Variants in SPATA17 observed in about 807,000 individuals in gnomAD.
SPATA17 encodes spermatogenesis associated 17.
Under a neutral mutation model 62.2 loss-of-function variants are expected in SPATA17, and 53 were observed. The ratio of observed to expected loss-of-function variants is 0.85; its 90% CI spans 0.68 to 1.07. SPATA17 has a LOEUF of 1.07. Among genes scored for constraint, SPATA17 ranks in the 50% least tolerant of loss-of-function variants. The pLI is 0.00. For missense variants in SPATA17, 466 were observed against 425.5 expected, an observed-to-expected ratio of 1.10 and a Z score of -0.84; for synonymous variants, 146 against 146.8, an observed-to-expected ratio of 0.99 and a Z score of 0.04.
At chr1:217,701,438 T>G (rs1671595665) in intron 5 of SPATA17, among the ~76,000 whole-genome samples, 1 of 151,960 alleles carries the variant, frequency 6.6e-6, no homozygotes, top group Non-Finnish European at 1.5e-5. Flanking sequence ...CAGGCTGGAG[T>G]GCAATGTCGT....
chr1:217,789,901 GT>G (rs1304010475), intron 8 of SPATA17, among the ~76,000 whole-genome samples: 2 of 152,100 alleles, frequency 1.3e-5, no homozygotes, highest in Admixed American at 6.5e-5. Context: ...GCCAAGTGTG[GT>G]GGTGGGCACC....
At chr1:217,772,533 TA>T (rs547621093) in intron 6 of SPATA17, among the ~76,000 whole-genome samples, 1 of 151,882 alleles carries the variant, frequency 6.6e-6, no homozygotes, top group African/African-American at 2.4e-5. Flanking sequence ...ACTGTTCTGT[TA>T]AAAAAAAGAA....
intron 5 of SPATA17, among the ~76,000 whole-genome samples, chr1:217,732,051 A>G (rs1454897425): frequency 6.7e-6 from 1 of 148,750 alleles, no homozygotes; most frequent in Non-Finnish European, 1.5e-5. Flanking sequence ...GGAGTTGACA[A>G]TGAAAAGAAT....
Position 217,779,123 on chromosome 1 carries a change from T to C in SPATA17, c.724-3051T>C, listed in dbSNP as rs187754325. Among the ~76,000 whole-genome samples, 1,084 of 149,478 alleles carry C rather than the reference T, an allele frequency of 7.3e-3. 11 individuals are homozygous for C. Among genetic ancestry groups the C allele is most frequent in the Non-Finnish European group, 0.01 (678 of 67,488 alleles). ...TGGTATAAGTATAAAAATAGAAAAA[T>C]ACACACATTTGTAAAACAACTTGTG... On this transcript the variant is annotated intron_variant, in intron 7 of 10. Transcript: ENST00000366933.
intron 9 of SPATA17, among the ~76,000 whole-genome samples, chr1:217,816,501 TA>T (rs1674720508): frequency 6.6e-6 from 1 of 151,790 alleles, no homozygotes; most frequent in Non-Finnish European, 1.5e-5. Context: ...ATAATCTTTT[TA>T]CTTCATTTAA....
chr1:217,719,664 CA>C, intron 5 of SPATA17, among the ~76,000 whole-genome samples: 1 of 152,198 alleles, frequency 6.6e-6, no homozygotes, highest in East Asian at 1.9e-4. Context: ...TTAAGTAATA[CA>C]AGATGAATAA....
intron 9 of SPATA17, among the ~76,000 whole-genome samples, chr1:217,827,188 T>C (rs971561247): frequency 3.9e-5 from 6 of 152,080 alleles, no homozygotes; most frequent in African/African-American, 9.7e-5. Context: ...TGAATTCATT[T>C]TCTATATTAA....
At chr1:217,833,080 A>G (rs1206390261) in intron 9 of SPATA17, among the ~76,000 whole-genome samples, 1 of 152,166 alleles carries the variant, frequency 6.6e-6, no homozygotes, top group Non-Finnish European at 1.5e-5. Context: ...TATATTTTAA[A>G]TTTCTGTAGA....
At chr1:217,784,609 A>G (rs541420413) in intron 8 of SPATA17, among the ~76,000 whole-genome samples, 1 of 152,310 alleles carries the variant, frequency 6.6e-6, no homozygotes, top group Non-Finnish European at 1.5e-5. Context: ...AAAAGGTTGT[A>G]ATGAGGATTG....
intron 9 of SPATA17, among the ~76,000 whole-genome samples, chr1:217,813,934 T>G (rs1674655106): frequency 1.3e-5 from 2 of 151,972 alleles, no homozygotes; most frequent in Non-Finnish European, 2.9e-5. Context: ...ATACTTTAAA[T>G]GTATTATATT....
At chr1:217,819,767 T>G (rs1210550186) in intron 9 of SPATA17, among the ~76,000 whole-genome samples, 2 of 152,030 alleles carry the variant, frequency 1.3e-5, no homozygotes, top group Non-Finnish European at 2.9e-5. Flanking sequence ...ATGTGTCATG[T>G]ATAGTTTTTT....
At chr1:217,761,767 A>G (rs1401598073) in intron 6 of SPATA17, among the ~76,000 whole-genome samples, 2 of 152,196 alleles carry the variant, frequency 1.3e-5, no homozygotes, top group East Asian at 3.8e-4. Flanking sequence ...TTACATGTAA[A>G]GAGAGAATTG....
intron 9 of SPATA17, among the ~76,000 whole-genome samples, chr1:217,856,593 G>A (rs1208282264): frequency 1.3e-5 from 2 of 152,164 alleles, no homozygotes; most frequent in African/African-American, 2.4e-5. Flanking sequence ...CCACTCATCA[G>A]CTAAAATTTT....
rs747672691 is a variant in SPATA17, at chr1:217,683,346, C to T, written c.380C>T (p.Thr127Ile). 1 of 1,605,358 alleles carries T rather than the reference C, an allele frequency of 6.2e-7. No homozygotes were observed. Among genetic ancestry groups the T allele is most frequent in the Non-Finnish European group, 8.5e-7 (1 of 1,174,018 alleles). Residue 127 changes from threonine to isoleucine, a missense_variant, in exon 5 of 11, where the codon ACC (threonine) becomes ATC (isoleucine). Coordinates refer to ENST00000366933, the MANE Select transcript of SPATA17 (RefSeq NM_138796.4). ...GAGTACCTGAAAGTCGTTTCAGAGACCAATGATGCAATTAGGTAAGTAGTG... is the reference window on the plus strand; with the variant it reads ...GAGTACCTGAAAGTCGTTTCAGAGATCAATGATGCAATTAGGTAAGTAGTG... ...LKEYLKVVSETNDAIRKALEE... is the reference protein window; with the variant it reads ...LKEYLKVVSEINDAIRKALEE...
At position 217,823,680 on chromosome 1, in the gene SPATA17, G is replaced by A. The variant is rs541023747; in HGVS notation, c.1005+21830G>A. Among the ~76,000 whole-genome samples, 236 of 152,036 alleles carry A rather than the reference G, an allele frequency of 1.6e-3. 1 individual carries two copies. Among genetic ancestry groups the A allele is most frequent in the African/African-American group, 5.5e-3 (230 of 41,510 alleles). On this transcript the variant is annotated intron_variant, in intron 9 of 10. Transcript: ENST00000366933. ...TATTTCTTAGTTGATTTTCTGCCTA[G>A]ATGATGTGTTCATTGCTGAAAATGG... is the stretch of plus-strand genomic sequence containing the variant.
chr1:217,730,398 G>A (rs1215136971), intron 5 of SPATA17, among the ~76,000 whole-genome samples: 1 of 151,912 alleles, frequency 6.6e-6, no homozygotes, highest in Non-Finnish European at 1.5e-5. Flanking sequence ...TGTATTTTTA[G>A]TAGAGACAGG....
chr1:217,725,419 A>C (rs1672237314), intron 5 of SPATA17, among the ~76,000 whole-genome samples: 1 of 152,166 alleles, frequency 6.6e-6, no homozygotes. Context: ...ATTTTGAAGC[A>C]TTTTGACATG....
rs535209358 is a variant in SPATA17 at position 217,634,607 on chromosome 1, C to T, written c.68+3161C>T. 5.3e-5 allele frequency among the ~76,000 whole-genome samples: 8 copies of T among 152,270 alleles called. No homozygotes were observed. In the South Asian group the frequency reaches 1.0e-3, roughly 20 times the overall value. The stretch of plus-strand genomic sequence containing the variant: ...GTCAGAATCTTATAGCCTCCAGCTG[C>T]GTGACTCCCAAACCATAATTTCTAA... On this transcript the variant is annotated intron_variant, in intron 1 of 10. Transcript: ENST00000366933.
intron 7 of SPATA17, among the ~76,000 whole-genome samples, chr1:217,779,656 A>G (rs1418634465): frequency 7.0e-6 from 1 of 142,572 alleles, no homozygotes; most frequent in African/African-American, 2.6e-5. Context: ...CCAAAATGGG[A>G]TTGTTTTACA....
Sources: gnomAD v4.1 joint callset for allele counts (sites outside exome capture counted in the v4.1 genomes callset) on GRCh38, gnomAD v4.1.1 for gene constraint, MANE v1.5 for transcripts, NCBI Gene and HGNC (gene_info 2026-07-23, HGNC 2026-07-21) for gene names.